The following ZNF492 variants were observed in gnomAD, a reference collection of about 807,000 sequenced individuals.
The protein encoded by ZNF492 is zinc finger protein 492.
ZNF492 carries 3 observed loss-of-function variants against 6.4 expected under a neutral mutation model. The ratio of observed to expected loss-of-function variants is 0.47; its 90% CI spans 0.21 to 1.22. The LOEUF is 1.22. Among genes scored for constraint, ZNF492 ranks in the 50% most tolerant of loss-of-function variants. The pLI is 0.22. For synonymous variants in ZNF492, 112 were observed against 205.3 expected, an observed-to-expected ratio of 0.55 and a Z score of 3.89; for missense variants, 356 against 612.5, an observed-to-expected ratio of 0.58 and a Z score of 4.42.
In ZNF492 at chr19:22,666,221, C is replaced by T. The variant is rs1254829926; in HGVS notation, c.*956C>T. ...TTTTTTTTTTAGATGGAGTCTTGCTCTATCGCCCCCCCAGGCTGGAGTACA... is the reference window on the plus strand; with the variant it reads ...TTTTTTTTTTAGATGGAGTCTTGCTTTATCGCCCCCCCAGGCTGGAGTACA... On this transcript the variant is annotated 3_prime_UTR_variant, in exon 4 of 4. Transcript: ENST00000456783. 7.7e-6 allele frequency: 1 copy of T among 130,184 alleles called. No individual in the cohort carries two copies. The highest frequency in any genetic ancestry group is 1.6e-5 in the Non-Finnish European group (1 of 64,462). 8.1% of individuals were successfully genotyped at this position (130,184 alleles called of 1,614,324 possible).
intron 1 of ZNF492, among the ~76,000 whole-genome samples, chr19:22,640,504 A>G (rs1568351900): frequency 6.6e-6 from 1 of 151,990 alleles, no homozygotes; most frequent in Non-Finnish European, 1.5e-5. Flanking sequence ...AATAAACTCT[A>G]CTTGATTATA....
chr19:22,663,882 T>G lies in ZNF492; in HGVS notation c.213T>G (p.Tyr71Ter). 1 of 1,584,544 alleles carries G rather than the reference T, an allele frequency of 6.3e-7. No individual in the cohort carries two copies. The highest frequency in any genetic ancestry group is 1.2e-5 in the South Asian group (1 of 86,908). ...TCCAAAAAGTGATACTGAGAAGATA[T>G]AAAAAATGTGGATGTGAAAATTTAC... is the stretch of plus-strand genomic sequence containing the variant. Reference protein sequence around the residue: ...NYFQKVILRRYKKCGCENLQL... With the variant: ...NYFQKVILRR Residue 71 changes from tyrosine (Y) to a stop codon, truncating the protein, a stop_gained, in exon 4 of 4, where the codon TAT becomes TAG. Transcript: ENST00000456783. LOFTEE classifies it low-confidence loss of function (END_TRUNC).
chr19:22,659,672 T>G (rs1260438442), intron 3 of ZNF492, among the ~76,000 whole-genome samples: 43 of 148,690 alleles, frequency 2.9e-4, no homozygotes, highest in African/African-American at 8.7e-4. Flanking sequence ...TTGTTGTTTT[T>G]TTTTTTTTTT....
At chr19:22,639,561 T>C (rs1971803846) in intron 1 of ZNF492, among the ~76,000 whole-genome samples, 1 of 151,686 alleles carries the variant, frequency 6.6e-6, no homozygotes, top group South Asian at 2.1e-4. Flanking sequence ...AAAAACAAAA[T>C]TAGCCGGGCG....
At position 22,666,752 on chromosome 19, in the gene ZNF492, TTAG is replaced by T. The variant is rs1972133832; in HGVS notation, c.*1490_*1492del. The stretch of plus-strand genomic sequence containing the variant: ...AGTTTTAGTTAAAATTAAAAATAAA[TTAG>T]TATATTATTTTACTAATTTTACTTT... On this transcript the variant is annotated 3_prime_UTR_variant, in exon 4 of 4. Transcript: ENST00000456783. The T allele has an allele frequency of 6.6e-6, 1 of 152,172 alleles. No individual in the cohort carries two copies. Among genetic ancestry groups the T allele is most frequent in the Non-Finnish European group, 1.5e-5 (1 of 68,038 alleles). 9.4% of individuals were successfully genotyped at this position (152,172 alleles called of 1,614,324 possible). A position where few individuals can be genotyped will look rare whatever the true frequency, so the allele number is the denominator to read the frequency against.
intron 3 of ZNF492, among the ~76,000 whole-genome samples, chr19:22,659,919 A>G (rs970147526): frequency 5.3e-5 from 8 of 151,694 alleles, no homozygotes; most frequent in South Asian, 2.1e-4. Context: ...ACCTGCCTCA[A>G]CCTCCCAAAG....
chr19:22,640,353 G>C (rs1025157067), intron 1 of ZNF492, among the ~76,000 whole-genome samples: 2 of 152,056 alleles, frequency 1.3e-5, no homozygotes, highest in African/African-American at 4.8e-5. Flanking sequence ...GTAGAGACAG[G>C]GTTTCACCAT....
At chr19:22,657,856 C>A (rs1972012836) in intron 3 of ZNF492, among the ~76,000 whole-genome samples, 1 of 151,852 alleles carries the variant, frequency 6.6e-6, no homozygotes, top group African/African-American at 2.4e-5. Flanking sequence ...AAATATGACC[C>A]CAATTTTGGT....
At chr19:22,646,867 C>T (rs1231323723) in intron 1 of ZNF492, among the ~76,000 whole-genome samples, 2 of 152,070 alleles carry the variant, frequency 1.3e-5, no homozygotes, top group Admixed American at 6.5e-5. Context: ...GGGATGAAGC[C>T]GACTTGATCA....
rs1339772367 is a variant in ZNF492 at position 22,659,686 on chromosome 19, GAC to G, written c.131-4112_131-4111del. On this transcript the variant is annotated intron_variant, in intron 3 of 3. Transcript: ENST00000456783. Reference sequence around the variant, plus strand: ...TTTGTTGTTTTTTTTTTTTTTTTGAGACAGAGTCTCACTCTGTGTCCCAGGCT... The same window carrying G: ...TTTGTTGTTTTTTTTTTTTTTTTGAGAGAGTCTCACTCTGTGTCCCAGGCT... Among the ~76,000 whole-genome samples the G allele has an allele frequency of 2.3e-5, 3 of 131,046 alleles. No homozygotes were observed. The Admixed American group carries it at 2.5e-4, about 11-fold the overall frequency. The allele number at this position is 131,046 out of a possible 152,430, so 86.0% of individuals were successfully genotyped here. A position where few individuals can be genotyped will look rare whatever the true frequency, so the allele number is the denominator to read the frequency against.
Position 22,664,098 on chromosome 19 carries a change from T to G in ZNF492, c.429T>G (p.Cys143Trp). ...IRHTGKKSFK[C>W]KECEKSFCML... ...ATACTGGAAAGAAATCTTTCAAATG[T>G]AAAGAATGTGAAAAGTCATTTTGCA... Residue 143 changes from cysteine to tryptophan, a missense_variant, in exon 4 of 4, where the codon TGT becomes TGG. Physicochemically the swap from Cys to Trp is radical, Grantham distance 215 (BLOSUM62 -2). This residue lies in a region of ZNF492 where 196 missense variants were observed against 219.4 expected (regional missense o/e 0.89). Transcript: ENST00000456783. 6.2e-7 allele frequency: 1 copy of G among 1,605,068 alleles called. No homozygotes were observed. Among genetic ancestry groups the G allele is most frequent in the Non-Finnish European group, 8.5e-7 (1 of 1,175,222 alleles).
At position 22,665,451 on chromosome 19, in the gene ZNF492, A is replaced by G; in HGVS notation, c.*186A>G. On this transcript the variant is annotated 3_prime_UTR_variant, in exon 4 of 4. Transcript: ENST00000456783. Reference sequence around the variant, plus strand: ...ACAAATGTACAAATATAAAGAAAGTAAAAAAGTGATTAATATCTGTGCACA... The same window carrying G: ...ACAAATGTACAAATATAAAGAAAGTGAAAAAGTGATTAATATCTGTGCACA... 1 of 1,245,060 alleles carries G rather than the reference A, an allele frequency of 8.0e-7. No individual in the cohort carries two copies. Among genetic ancestry groups the G allele is most frequent in the South Asian group, 1.7e-5 (1 of 59,328 alleles). 77.1% of individuals were successfully genotyped at this position (1,245,060 alleles called of 1,614,324 possible). A position where few individuals can be genotyped will look rare whatever the true frequency, so the allele number is the denominator to read the frequency against.
At chr19:22,660,229 A>C (rs1475481440) in intron 3 of ZNF492, among the ~76,000 whole-genome samples, 1 of 152,176 alleles carries the variant, frequency 6.6e-6, no homozygotes, top group Non-Finnish European at 1.5e-5. Flanking sequence ...TGTTGAAAGT[A>C]TGTCTCGATT....
intron 3 of ZNF492, among the ~76,000 whole-genome samples, chr19:22,657,212 A>G (rs1599401172): frequency 6.6e-6 from 1 of 152,158 alleles, no homozygotes; most frequent in East Asian, 1.9e-4. Flanking sequence ...AGGCAAAAAA[A>G]GATTACAGGA....
rs778741323 is a variant in ZNF492 at position 22,665,169 on chromosome 19, T to C, written c.1500T>C (p.Thr500=). Residue 500 remains threonine, a synonymous_variant, in exon 4 of 4, where the codon ACT becomes ACC. Transcript: ENST00000456783. ...SILNRHKMIH[T]GEKLYKPESC... ...TTAACAGACATAAGATGATTCATAC[T>C]GGAGAGAAACTCTACAAACCTGAAA... The C allele has an allele frequency of 6.8e-6, 11 of 1,609,072 alleles. No individual in the cohort carries two copies. In the South Asian group the frequency reaches 8.8e-5, roughly 13 times the overall value.
In ZNF492 at chr19:22,664,151, G is replaced by C; in HGVS notation, c.482G>C (p.Arg161Thr). The change falls in exon 4 of 4, where the codon AGA becomes ACA. Residue 161 changes from arginine (R) to threonine (T), a missense_variant. Physicochemically the swap from Arg to Thr is moderately conservative, Grantham distance 71 (BLOSUM62 -1). Transcript: ENST00000456783. The stretch of plus-strand genomic sequence containing the variant: ...CTTTCACACTTAGCTCAACATAAAA[G>C]AATTCATAGTGGAGAGAAACCCTAC... Reference protein sequence around the residue: ...CMLSHLAQHKRIHSGEKPYKC... With the variant: ...CMLSHLAQHKTIHSGEKPYKC... 1 of 1,605,536 alleles carries C rather than the reference G, an allele frequency of 6.2e-7. No individual in the cohort carries two copies.
rs574758289 is a variant in ZNF492, at chr19:22,643,317, C to T, written c.-94+8843C>T. On this transcript the variant is annotated intron_variant, in intron 1 of 3. Coordinates refer to ENST00000456783, the MANE Select transcript of ZNF492 (RefSeq NM_020855.3). ...AAAAATAAATAAGTGCAGACTCAGTCGGATATTGCTGCTTTCTGTTTTCTC... is the reference window on the plus strand; with the variant it reads ...AAAAATAAATAAGTGCAGACTCAGTTGGATATTGCTGCTTTCTGTTTTCTC... Among the ~76,000 whole-genome samples the T allele has an allele frequency of 1.1e-4, 16 of 152,178 alleles. No individual in the cohort carries two copies. In the South Asian group the frequency reaches 1.7e-3, roughly 16 times the overall value.
intron 1 of ZNF492, among the ~76,000 whole-genome samples, chr19:22,636,422 A>G (rs1446598761): frequency 6.6e-6 from 1 of 151,184 alleles, no homozygotes; most frequent in African/African-American, 2.4e-5. Flanking sequence ...AACAACATGC[A>G]TTTGGTTTTC....
chr19:22,637,840 T>C (rs1418671108), intron 1 of ZNF492, among the ~76,000 whole-genome samples: 1 of 152,148 alleles, frequency 6.6e-6, no homozygotes, highest in Non-Finnish European at 1.5e-5. Flanking sequence ...CTCCCATGGG[T>C]AGTGTATAAG....
Sources: gnomAD v4.1 joint callset for allele counts (sites outside exome capture counted in the v4.1 genomes callset) on GRCh38, gnomAD v4.1.1 for gene constraint, gnomAD v4.1.1 regional missense constraint, MANE v1.5 for transcripts, NCBI Gene and HGNC (gene_info 2026-07-23, HGNC 2026-07-21) for gene names.